Variants in LUC7L2 observed in about 807,000 individuals in gnomAD.
The protein encoded by LUC7L2 is LUC7 like 2, pre-mRNA splicing factor.
In LUC7L2, 25 loss-of-function variants were observed where a neutral mutation model predicts 52.8. That is an observed-to-expected ratio of 0.47 (90% CI 0.34 to 0.66). The LOEUF (loss-of-function observed/expected upper bound fraction) is 0.66, where lower values mean the gene tolerates loss of function less well. Among genes scored for constraint, LUC7L2 ranks in the 30% least tolerant of loss-of-function variants. The pLI, the probability that LUC7L2 is intolerant of heterozygous loss-of-function variation, is 0.01. For missense variants in LUC7L2, 328 were observed against 497.8 expected (o/e 0.66, Z 3.25); for synonymous variants, 144 against 160.9 (o/e 0.89, Z 0.80).
upstream of LUC7L2, among the ~76,000 whole-genome samples, chr7:139,357,758 C>T (rs1799649911): frequency 6.7e-6 from 1 of 149,732 alleles, no homozygotes. Flanking sequence ...ATGGCGCGAT[C>T]TCGGCTCACT....
chr7:139,419,134 A>C (rs868635481), intron 9 of LUC7L2, among the ~76,000 whole-genome samples: 70 of 144,738 alleles, frequency 4.8e-4, no homozygotes, highest in Admixed American at 3.1e-3. Context: ...AACAAACAAA[A>C]AAAAAAACAA....
chr7:139,402,357 G>GAAAGTATACA, intron 4 of LUC7L2, 110 bp downstream of exon 4: 1 of 1,067,732 alleles, frequency 9.4e-7, no homozygotes, highest in Non-Finnish European at 1.3e-6. Flanking sequence ...ACATATACAA[G>GAAAGTATACA]GAATTCTGTA....
intron 5 of LUC7L2, among the ~76,000 whole-genome samples, 167 bp from the exon 6 acceptor site, chr7:139,407,007 T>G (rs1333797532): frequency 1.4e-5 from 2 of 146,950 alleles, no homozygotes; most frequent in Non-Finnish European, 3.0e-5. Flanking sequence ...TGTGGTTTTT[T>G]TTTTTTTTTT....
intron 2 of LUC7L2, among the ~76,000 whole-genome samples, chr7:139,384,826 G>A (rs750088294): frequency 1.3e-5 from 2 of 152,030 alleles, no homozygotes; most frequent in Non-Finnish European, 2.9e-5. Context: ...AGCAATCATG[G>A]TGCAATACAG....
intron 4 of LUC7L2, among the ~76,000 whole-genome samples, chr7:139,404,905 G>T (rs1795053781): frequency 6.6e-6 from 1 of 152,218 alleles, no homozygotes; most frequent in Admixed American, 6.5e-5. Flanking sequence ...AATTGGTTTA[G>T]CAATAAGTCA....
chr7:139,350,882 G>A (rs564896682), intron 1 of LUC7L2, among the ~76,000 whole-genome samples: 21 of 151,958 alleles, frequency 1.4e-4, no homozygotes, highest in Non-Finnish European at 2.6e-4. Context: ...CACCATGTTG[G>A]CCAGGCTGGT....
chr7:139,411,097 A>G (rs1439353003), intron 7 of LUC7L2, among the ~76,000 whole-genome samples: 1 of 152,190 alleles, frequency 6.6e-6, no homozygotes, highest in African/African-American at 2.4e-5. Flanking sequence ...TCATTTTAAG[A>G]TTCAATTGAG....
rs767864698 is a variant in LUC7L2 at position 139,417,558 on chromosome 7, G to A, written c.830G>A (p.Arg277His). The A allele has an allele frequency of 7.4e-6, 12 of 1,613,878 alleles. No individual in the cohort carries two copies. The highest frequency in any genetic ancestry group is 4.0e-5 in the African/African-American group (3 of 74,896). ...GGTAGATCCAGGTCCAGAGAGCATCGCAGACATCGATCTCGCTCCATGTCA... is the reference window on the plus strand; with the variant it reads ...GGTAGATCCAGGTCCAGAGAGCATCACAGACATCGATCTCGCTCCATGTCA... ...NPKRSRSREH[R>H]RHRSRSMSRE... is the part of the protein sequence containing the mutation. Residue 277 changes from arginine (R) to histidine (H), a missense_variant, in exon 9 of 10, where the codon CGC becomes CAC. Physicochemically the swap from Arg to His is conservative, Grantham distance 29. This residue lies in a region of LUC7L2 where 195 missense variants were observed against 223.3 expected (regional missense o/e 0.87). Coordinates refer to ENST00000354926, the MANE Select transcript of LUC7L2 (RefSeq NM_016019.5).
At chr7:139,372,390 C>G (rs1800496878) in intron 1 of LUC7L2, among the ~76,000 whole-genome samples, 1 of 152,168 alleles carries the variant, frequency 6.6e-6, no homozygotes, top group African/African-American at 2.4e-5. Context: ...GGTTTACTTA[C>G]TGTTCCCCCA....
chr7:139,342,053 A>G (rs1229232396), intron 1 of LUC7L2, among the ~76,000 whole-genome samples: 2 of 152,306 alleles, frequency 1.3e-5, no homozygotes, highest in African/African-American at 4.8e-5. Context: ...AGAACGATCA[A>G]CTGTCGAATT....
intron 1 of LUC7L2, chr7:139,345,673 A>G (rs1799238211): frequency 6.2e-7 from 1 of 1,614,186 alleles, no homozygotes; most frequent in Non-Finnish European, 8.5e-7. Context: ...AAGTTGCCCC[A>G]TCAGCCTGGA....
rs538663338 is a variant in LUC7L2, at chr7:139,400,196, C to T, written c.255+1499C>T. On this transcript the variant is annotated intron_variant, in intron 3 of 9. Transcript: ENST00000354926. Reference sequence around the variant, plus strand: ...TATCAGTCTTTAACAAATCTATAGCCAGGCGTGGTGGCTCGTAATCCCAGC... The same window carrying T: ...TATCAGTCTTTAACAAATCTATAGCTAGGCGTGGTGGCTCGTAATCCCAGC... Among the ~76,000 whole-genome samples the T allele has an allele frequency of 4.6e-5, 7 of 152,126 alleles. 1 individual carries two copies. In the South Asian group the frequency reaches 1.2e-3, roughly 27 times the overall value.
At chr7:139,383,896 G>A (rs1276297638) in intron 2 of LUC7L2, among the ~76,000 whole-genome samples, 1 of 151,230 alleles carries the variant, frequency 6.6e-6, no homozygotes, top group Admixed American at 6.6e-5. Context: ...ACCATGCCTG[G>A]CTAATTATTA....
At chr7:139,365,712 A>G (rs952904955) in intron 1 of LUC7L2, among the ~76,000 whole-genome samples, 2 of 152,234 alleles carry the variant, frequency 1.3e-5, no homozygotes, top group Admixed American at 6.5e-5. Flanking sequence ...CTTGAAAAGG[A>G]CTGAATTCTT....
chr7:139,374,512 G>A (rs748312014), intron 1 of LUC7L2: 2 of 1,549,094 alleles, frequency 1.3e-6, no homozygotes, highest in African/African-American at 2.7e-5. Context: ...AATGAATGTG[G>A]AACAAAAGCA....
At chr7:139,416,040 A>AT (rs1795586484) in intron 8 of LUC7L2, 1 of 97,744 alleles carries the variant, frequency 1.0e-5, no homozygotes, top group Non-Finnish European at 2.4e-5. Context: ...TGAGGTATAA[A>AT]ATATATATAT....
At chr7:139,393,705 C>T (rs1424838378) in intron 2 of LUC7L2, among the ~76,000 whole-genome samples, 1 of 152,116 alleles carries the variant, frequency 6.6e-6, no homozygotes, top group African/African-American at 2.4e-5. Flanking sequence ...CTTGGCCTCC[C>T]AAGGTGCTGG....
chr7:139,389,244 C>G (rs1193321571), intron 2 of LUC7L2, among the ~76,000 whole-genome samples: 1 of 151,940 alleles, frequency 6.6e-6, no homozygotes, highest in Non-Finnish European at 1.5e-5. Context: ...TGTCGTATTT[C>G]TGCCTGAGTA....
chr7:139,371,552 G>A (rs1800450575), intron 1 of LUC7L2: 8 of 723,440 alleles, frequency 1.1e-5, no homozygotes, highest in African/African-American at 1.8e-5. Flanking sequence ...GAGAGGGTGG[G>A]TAGTACTGGG....
Sources: allele counts gnomAD v4.1 joint callset (sites outside exome capture counted in the v4.1 genomes callset), GRCh38; gene constraint gnomAD v4.1.1; regional missense constraint gnomAD v4.1.1; transcripts MANE v1.5; gene names NCBI Gene and HGNC (gene_info 2026-07-23, HGNC 2026-07-21).